The following CFAP300 variants were observed in gnomAD, a reference collection of about 807,000 sequenced individuals.
The protein encoded by CFAP300 is cilia and flagella associated protein 300, also known as cilia- and flagella-associated protein 300.
Under a neutral mutation model 33.0 loss-of-function variants are expected in CFAP300, and 32 were observed. That is an observed-to-expected ratio of 0.97 (90% CI 0.73 to 1.30). CFAP300 has a LOEUF of 1.30. Ranked by LOEUF, CFAP300 falls within the 50% of genes most tolerant of loss-of-function variation. The pLI, the probability that CFAP300 is intolerant of heterozygous loss-of-function variation, is 0.00. For synonymous variants in CFAP300, 102 were observed against 106.8 expected (o/e 0.95, Z 0.28); for missense variants, 356 against 318.1 (o/e 1.12, Z -0.90).
intron 4 of CFAP300, among the ~76,000 whole-genome samples, chr11:102,068,833 G>C (rs1942267302): frequency 6.6e-6 from 1 of 152,106 alleles, no homozygotes; most frequent in Non-Finnish European, 1.5e-5. Flanking sequence ...TATGCAGTAG[G>C]GATCTCATAT....
intron 3 of CFAP300, among the ~76,000 whole-genome samples, chr11:102,061,668 A>G (rs1405850632): frequency 6.6e-6 from 1 of 152,230 alleles, no homozygotes; most frequent in Admixed American, 6.5e-5. Flanking sequence ...CAGAGGCATA[A>G]GCTAAGTAAT....
chr11:102,071,413 T>C (rs1204627707), intron 4 of CFAP300, among the ~76,000 whole-genome samples: 1 of 152,216 alleles, frequency 6.6e-6, no homozygotes, highest in East Asian at 1.9e-4. Context: ...ACATTTTAAG[T>C]GAAAAATTTA....
chr11:102,059,281 A>ATGTGTG (rs55657614), intron 3 of CFAP300, among the ~76,000 whole-genome samples: 5,449 of 148,532 alleles, frequency 0.037, 124 homozygotes, highest in Admixed American at 0.045. Context: ...ATATGTTAAA[A>ATGTGTG]TGTGTGTGTG....
At chr11:102,073,524 G>T (rs973435838) in intron 4 of CFAP300, among the ~76,000 whole-genome samples, 3 of 152,210 alleles carry the variant, frequency 2.0e-5, no homozygotes, top group Non-Finnish European at 4.4e-5. Flanking sequence ...CCTCTTGTGA[G>T]TTGGGCAGGG....
chr11:102,060,583 A>G (rs548008972), intron 3 of CFAP300, among the ~76,000 whole-genome samples: 31 of 151,320 alleles, frequency 2.0e-4, no homozygotes, highest in Non-Finnish European at 3.1e-4. Context: ...TATTTTGGGG[A>G]AAAAAAAATG....
Position 102,083,189 on chromosome 11 carries a change from A to T in CFAP300, c.794A>T (p.Asp265Val). ...TTATACCACTGTTATGGTGTGGGAGACATGTCTTAATGTTCTTTCAGATTA... is the reference window on the plus strand; with the variant it reads ...TTATACCACTGTTATGGTGTGGGAGTCATGTCTTAATGTTCTTTCAGATTA... ...HVLYHCYGVG[D>V]MS Residue 265 changes from aspartate (D) to valine (V), a missense_variant, in exon 7 of 7, where the codon GAC becomes GTC. Physicochemically the swap from Asp to Val is radical, Grantham distance 152 (BLOSUM62 -3). Transcript: ENST00000434758. The T allele has an allele frequency of 6.6e-7, 1 of 1,506,458 alleles. No homozygotes were observed. The highest frequency in any genetic ancestry group is 8.9e-7 in the Non-Finnish European group (1 of 1,121,624). The allele number at this position is 1,506,458 out of a possible 1,614,324, so 93.3% of individuals were successfully genotyped here.
intron 2 of CFAP300, among the ~76,000 whole-genome samples, chr11:102,053,452 G>C (rs958596887): frequency 2.0e-5 from 3 of 152,046 alleles, no homozygotes; most frequent in Non-Finnish European, 4.4e-5. Flanking sequence ...TTGGGAAGCT[G>C]AGGCAGGAGA....
At chr11:102,077,767 G>A (rs1381874699) in intron 5 of CFAP300, among the ~76,000 whole-genome samples, 1 of 152,182 alleles carries the variant, frequency 6.6e-6, no homozygotes, top group Non-Finnish European at 1.5e-5. Context: ...TAGAGACGGG[G>A]TTTTATCATT....
In CFAP300 at chr11:102,083,082, T is replaced by A. The variant is rs1299441055; in HGVS notation, c.687T>A (p.Gly229=). The change falls in exon 7 of 7, where the codon GGT becomes GGA. Residue 229 remains glycine (G), a synonymous_variant. Coordinates refer to ENST00000434758, the MANE Select transcript of CFAP300 (RefSeq NM_032930.3). Reference sequence around the variant, plus strand: ...TTTGTCTTTTTCAGGATTCTGCTGGTATGTGCTATCCTTCAGCAAAGAATC... The same window carrying A: ...TTTGTCTTTTTCAGGATTCTGCTGGAATGTGCTATCCTTCAGCAAAGAATC... The part of the protein sequence containing the change: ...VFKVSAYDSA[G]MCYPSAKNHE... 6.8e-7 allele frequency: 1 copy of A among 1,459,866 alleles called. No homozygotes were observed. Among genetic ancestry groups the A allele is most frequent in the Non-Finnish European group, 9.1e-7 (1 of 1,101,742 alleles). The allele number at this position is 1,459,866 out of a possible 1,614,324, so 90.4% of individuals were successfully genotyped here.
In CFAP300 at chr11:102,053,551, A is replaced by AAAAC. The variant is rs140040339; in HGVS notation, c.193-5297_193-5294dup. ...GGGCAACAAGAGCAAAACTCCATCA[A>AAAAC]AAACAAACAAACAAACAAACAAACA... On this transcript the variant is annotated intron_variant, in intron 2 of 6. Transcript: ENST00000434758. 5.9e-3 allele frequency among the ~76,000 whole-genome samples: 891 copies of AAAAC among 150,008 alleles called. 7 individuals carry two copies. Among genetic ancestry groups the AAAAC allele is most frequent in the African/African-American group, 0.017 (692 of 40,638 alleles).
chr11:102,073,801 C>T (rs956847184), intron 4 of CFAP300, among the ~76,000 whole-genome samples: 2 of 152,058 alleles, frequency 1.3e-5, no homozygotes, highest in African/African-American at 4.8e-5. Flanking sequence ...TGTGTAGTGG[C>T]CCTGCTACCA....
At chr11:102,069,665 T>C (rs1036204869) in intron 4 of CFAP300, among the ~76,000 whole-genome samples, 2 of 151,798 alleles carry the variant, frequency 1.3e-5, no homozygotes, top group African/African-American at 4.8e-5. Context: ...TAGCCAGACA[T>C]GGTGGCATGC....
chr11:102,079,465 T>G (rs933765603), intron 5 of CFAP300, among the ~76,000 whole-genome samples: 2 of 152,216 alleles, frequency 1.3e-5, no homozygotes, highest in Non-Finnish European at 2.9e-5. Context: ...ATCCTGGGTT[T>G]AAGTCTAAAT....
Position 102,058,896 on chromosome 11 carries a change from CA to C in CFAP300, c.212del (p.Asn71MetfsTer6), listed in dbSNP as rs1253909401. 5.1e-6 allele frequency: 8 copies of C among 1,584,130 alleles called. No individual in the cohort carries two copies. The highest frequency in any genetic ancestry group is 6.9e-6 in the Non-Finnish European group (8 of 1,166,416). ...DDFVMAFFKD[P>X]NVIPNLKLLS... ...GTATTTTAGGCTTTTTTCAAAGACC[CA>C]AATGTTATTCCCAATTTGAAGTTAC... is the stretch of plus-strand genomic sequence containing the variant. On this transcript the variant is annotated frameshift_variant, in exon 3 of 7. Coordinates refer to ENST00000434758, the MANE Select transcript of CFAP300 (RefSeq NM_032930.3). LOFTEE classifies it high-confidence loss of function.
At chr11:102,061,999 C>T (rs1942155780) in intron 3 of CFAP300, among the ~76,000 whole-genome samples, 1 of 152,186 alleles carries the variant, frequency 6.6e-6, no homozygotes, top group African/African-American at 2.4e-5. Flanking sequence ...TGTTTAACCC[C>T]TAACCCTTCA....
intron 3 of CFAP300, among the ~76,000 whole-genome samples, chr11:102,060,743 A>G (rs771023635): frequency 3.3e-5 from 5 of 152,110 alleles, no homozygotes; most frequent in Non-Finnish European, 7.4e-5. Flanking sequence ...TTAGGGGTGT[A>G]TTTTGGTAAA....
intron 2 of CFAP300, among the ~76,000 whole-genome samples, chr11:102,051,670 A>G (rs976216142): frequency 1.3e-5 from 2 of 152,196 alleles, no homozygotes; most frequent in African/African-American, 4.8e-5. Flanking sequence ...AAAATTAAAA[A>G]TAGAGAAACT....
At chr11:102,058,459 G>A (rs182844626) in intron 2 of CFAP300, among the ~76,000 whole-genome samples, 5 of 150,350 alleles carry the variant, frequency 3.3e-5, no homozygotes, top group Non-Finnish European at 7.4e-5. Context: ...TACAGAAAAC[G>A]TTTCATTTTT....
At chr11:102,050,971 A>G (rs1019396442) in intron 2 of CFAP300, among the ~76,000 whole-genome samples, 3 of 152,126 alleles carry the variant, frequency 2.0e-5, no homozygotes, top group Non-Finnish European at 4.4e-5. Flanking sequence ...CCAAATTGGA[A>G]ACTGTTGTCC....
Sources: gnomAD v4.1 joint callset for allele counts (sites outside exome capture counted in the v4.1 genomes callset) on GRCh38, gnomAD v4.1.1 for gene constraint, MANE v1.5 for transcripts, NCBI Gene and HGNC (gene_info 2026-07-23, HGNC 2026-07-21) for gene names.